The following NEK5 variants were observed in gnomAD, a reference collection of about 807,000 sequenced individuals.
The protein encoded by NEK5 is NIMA related kinase 5.
Under a neutral mutation model 109.2 loss-of-function variants are expected in NEK5, and 88 were observed. The observed-to-expected ratio is 0.81, with a 90% CI of 0.68 to 0.96. The LOEUF (loss-of-function observed/expected upper bound fraction) is 0.96. Ranked by LOEUF, NEK5 falls within the 40% of genes least tolerant of loss-of-function variation. NEK5 has a pLI of 0.00. For missense variants in NEK5, 834 were observed against 920.7 expected (o/e 0.91, Z 1.22); for synonymous variants, 283 against 299.9 (o/e 0.94, Z 0.58).
intron 15 of NEK5, among the ~76,000 whole-genome samples, chr13:52,086,583 A>C (rs1347625413): frequency 1.3e-5 from 2 of 152,180 alleles, no homozygotes; most frequent in Non-Finnish European, 2.9e-5. Flanking sequence ...TATATAACCC[A>C]AATGTGTTCA....
rs750281360 is a variant in NEK5 at position 52,110,448 on chromosome 13, TC to T, written c.397-39del. On this transcript the variant is annotated intron_variant, in intron 6 of 23. Transcript: ENST00000684899. ...AAAATGTCATGTTGTTTGAGGTACTTCAAGAAAAGATCAGTTCTGTCTTAGT... is the reference window on the plus strand; with the variant it reads ...AAAATGTCATGTTGTTTGAGGTACTTAAGAAAAGATCAGTTCTGTCTTAGT... The T allele has an allele frequency of 1.9e-6, 3 of 1,601,186 alleles. No homozygotes were observed. In the South Asian group the frequency reaches 3.3e-5, roughly 18 times the overall value.
At chr13:52,041,416 T>C (rs1189425140) in intron 23 of NEK5, among the ~76,000 whole-genome samples, 2 of 152,068 alleles carry the variant, frequency 1.3e-5, no homozygotes, top group African/African-American at 2.4e-5. Context: ...AAAAACTCAA[T>C]AGATGGTACC....
At position 52,106,574 on chromosome 13, in the gene NEK5, C is replaced by T. The variant is rs961675826; in HGVS notation, c.554+1744G>A. Among the ~76,000 whole-genome samples, 9 of 152,000 alleles carry T rather than the reference C, an allele frequency of 5.9e-5. No homozygotes were observed. The East Asian group carries it at 9.7e-4, about 16-fold the overall frequency. ...TGAGGTCAAGAATTCAAGACCAGCCCGACCAACATGGTGAAACCCCATCTC... is the reference window on the plus strand; with the variant it reads ...TGAGGTCAAGAATTCAAGACCAGCCTGACCAACATGGTGAAACCCCATCTC... On this transcript the variant is annotated intron_variant, in intron 8 of 23. Transcript: ENST00000684899.
chr13:52,075,879 A>G (rs1388593040), intron 18 of NEK5, 53 bp from the exon 19 acceptor site: 1 of 1,215,446 alleles, frequency 8.2e-7, no homozygotes, highest in Non-Finnish European at 1.2e-6. Context: ...AAAAGCCTTA[A>G]AATTACAACT....
At chr13:52,080,461 C>T (rs558234371) in intron 17 of NEK5, among the ~76,000 whole-genome samples, 10 of 152,010 alleles carry the variant, frequency 6.6e-5, no homozygotes, top group African/African-American at 1.7e-4. Context: ...AGGGGAAAGG[C>T]GGGGAAAAGA....
At chr13:52,044,414 T>C (rs936369846) in intron 23 of NEK5, among the ~76,000 whole-genome samples, 1 of 152,180 alleles carries the variant, frequency 6.6e-6, no homozygotes, top group Non-Finnish European at 1.5e-5. Flanking sequence ...CAAATATTCA[T>C]AGCCAAATGA....
chr13:52,057,902 T>C (rs1216067970), intron 22 of NEK5, among the ~76,000 whole-genome samples: 7 of 151,786 alleles, frequency 4.6e-5, no homozygotes, highest in Admixed American at 3.3e-4. Context: ...AAGACAGGGA[T>C]GCCCTCTCTC....
chr13:52,071,784 T>C (rs893347451), intron 20 of NEK5, among the ~76,000 whole-genome samples, 160 bp downstream of exon 20: 1 of 152,224 alleles, frequency 6.6e-6, no homozygotes, highest in African/African-American at 2.4e-5. Flanking sequence ...GGCCACTGCA[T>C]GGGTGGCAGG....
intron 13 of NEK5, among the ~76,000 whole-genome samples, chr13:52,091,799 T>C (rs2137932425): frequency 6.6e-6 from 1 of 152,274 alleles, no homozygotes; most frequent in East Asian, 1.9e-4. Flanking sequence ...TCTGCAGAAA[T>C]CTATTATGGA....
At chr13:52,082,835 A>C (rs1304097773) in intron 17 of NEK5, among the ~76,000 whole-genome samples, 1 of 152,228 alleles carries the variant, frequency 6.6e-6, no homozygotes, top group Non-Finnish European at 1.5e-5. Context: ...CATCTGGGGC[A>C]GAGAGAGGCA....
chr13:52,102,252 C>T lies in NEK5; in HGVS notation c.650G>A (p.Cys217Tyr). The change falls in exon 10 of 24, where the codon TGT (cysteine) becomes TAT (tyrosine). Residue 217 changes from cysteine (C) to tyrosine (Y), a missense_variant. Cys to Tyr is a radical substitution (Grantham distance 194). Coordinates refer to ENST00000684899, the MANE Select transcript of NEK5 (RefSeq NM_001365552.1). Reference protein sequence around the residue: ...NNLQQLVLKICQAHFAPISPG... With the variant: ...NNLQQLVLKIYQAHFAPISPG... The stretch of plus-strand genomic sequence containing the variant: ...AGATATTGGGGCAAAATGTGCTTGA[C>T]AAATCTTCAGAACCAGCTGCTGTAA... 1 of 1,614,124 alleles carries T rather than the reference C, an allele frequency of 6.2e-7. No individual in the cohort carries two copies. The highest frequency in any genetic ancestry group is 8.5e-7 in the Non-Finnish European group (1 of 1,180,022).
intron 21 of NEK5, 183 bp from the exon 22 acceptor site, chr13:52,062,136 T>C (rs1412077870): frequency 6.6e-6 from 1 of 152,244 alleles, no homozygotes; most frequent in African/African-American, 2.4e-5. Context: ...GAGTCATTCA[T>C]TGCTTTGTAA....
intron 23 of NEK5, among the ~76,000 whole-genome samples, chr13:52,038,329 A>T (rs1158780966): frequency 6.6e-6 from 1 of 152,120 alleles, no homozygotes; most frequent in African/African-American, 2.4e-5. Flanking sequence ...CTCAAAACAA[A>T]ACGGAACAAA....
At chr13:52,109,713 A>T (rs1955720964) in intron 7 of NEK5, among the ~76,000 whole-genome samples, 2 of 152,100 alleles carry the variant, frequency 1.3e-5, no homozygotes, top group Non-Finnish European at 2.9e-5. Context: ...CTTAACCCAG[A>T]CACTCCCTTC....
At chr13:52,122,836 A>G (rs1955996598) in intron 3 of NEK5, among the ~76,000 whole-genome samples, 1 of 152,244 alleles carries the variant, frequency 6.6e-6, no homozygotes, top group Non-Finnish European at 1.5e-5. Flanking sequence ...TACATTAAAA[A>G]TAGTCTAGAG....
intron 23 of NEK5, among the ~76,000 whole-genome samples, chr13:52,049,566 G>A (rs1461118806): frequency 6.6e-6 from 1 of 151,858 alleles, no homozygotes; most frequent in African/African-American, 2.4e-5. Context: ...ATGCAAAGAG[G>A]TACAGCAGGG....
In NEK5 at chr13:52,104,558, G is replaced by A; in HGVS notation, c.555-6C>T. On this transcript the variant is annotated splice_region_variant and splice_polypyrimidine_tract_variant and intron_variant, in intron 8 of 23. Transcript: ENST00000684899. ...AGCCAAGAGACCAAATATCCCTAAA[G>A]AAGATAAGAGTTTACATGCCAAGAA... The A allele has an allele frequency of 6.3e-7, 1 of 1,590,502 alleles. No individual in the cohort carries two copies.
intron 4 of NEK5, among the ~76,000 whole-genome samples, chr13:52,115,055 T>C (rs1356499674): frequency 5.3e-5 from 8 of 150,978 alleles, no homozygotes; most frequent in Non-Finnish European, 1.2e-4. Context: ...CTCTGTCACC[T>C]GGGCTGGAGT....
At position 52,127,603 on chromosome 13, in the gene NEK5, A is replaced by C; in HGVS notation, c.-31T>G. The C allele has an allele frequency of 1.5e-6, 1 of 660,812 alleles. No individual in the cohort carries two copies. The highest frequency in any genetic ancestry group is 2.7e-6 in the Non-Finnish European group (1 of 369,418). The allele number at this position is 660,812 out of a possible 1,614,324, so 40.9% of individuals were successfully genotyped here. ...AGTGTAAAAGAACTCACTTAGCTAAAACTTTCCTCCCAGCCTTGCCAAGAC... is the reference window on the plus strand; with the variant it reads ...AGTGTAAAAGAACTCACTTAGCTAACACTTTCCTCCCAGCCTTGCCAAGAC... On this transcript the variant is annotated 5_prime_UTR_variant, in exon 2 of 24. Transcript: ENST00000684899.
Sources: allele counts gnomAD v4.1 joint callset (sites outside exome capture counted in the v4.1 genomes callset), GRCh38; gene constraint gnomAD v4.1.1; transcripts MANE v1.5; gene names NCBI Gene and HGNC (gene_info 2026-07-23, HGNC 2026-07-21).